The following RGSL1 variants were observed in gnomAD, a reference collection of about 807,000 sequenced individuals.
RGSL1 encodes regulator of G protein signaling like 1, also known as regulator of G protein signaling protein-like.
A neutral mutation model predicts 124.7 loss-of-function variants in RGSL1; 97 were observed. The observed-to-expected ratio is 0.78, with a 90% CI of 0.66 to 0.92. The LOEUF (loss-of-function observed/expected upper bound fraction) is 0.92. RGSL1 is among the 40% of genes least tolerant of loss of function. The probability of loss-of-function intolerance (pLI) is 0.00; values close to 1 mark genes in which losing one functional copy is unlikely to be tolerated. For missense variants in RGSL1, 1,233 were observed against 1,288.4 expected (o/e 0.96, Z 0.66); for synonymous variants, 424 against 438.1 (o/e 0.97, Z 0.40).
intron 6 of RGSL1, among the ~76,000 whole-genome samples, chr1:182,486,623 C>A (rs1655117626): frequency 6.6e-6 from 1 of 152,098 alleles, no homozygotes; most frequent in Non-Finnish European, 1.5e-5. Context: ...GCTAGGATTA[C>A]AGGTGTGAGG....
chr1:182,472,063 G>GT (rs34447511), intron 4 of RGSL1, among the ~76,000 whole-genome samples: 13,040 of 152,026 alleles, frequency 0.086, 767 homozygotes, highest in East Asian at 0.26. Context: ...AGGAAATGTG[G>GT]TTTTTTTCCC....
At chr1:182,517,830 A>G (rs1227556579) in intron 9 of RGSL1, among the ~76,000 whole-genome samples, 1 of 151,988 alleles carries the variant, frequency 6.6e-6, no homozygotes, top group Non-Finnish European at 1.5e-5. Flanking sequence ...TACTATTTTG[A>G]ATTCTTGGTC....
Position 182,515,653 on chromosome 1 carries a change from A to C in RGSL1, c.1826-6351A>C, listed in dbSNP as rs573720054. ...TTTCCGCCAGTTTAGACCAGTGAGG[A>C]TCCTTCAGCCATTGGGGGAATGGCT... On this transcript the variant is annotated intron_variant, in intron 9 of 21. Transcript: ENST00000294854. 7.2e-5 allele frequency among the ~76,000 whole-genome samples: 11 copies of C among 151,960 alleles called. No homozygotes were observed. In the East Asian group the frequency reaches 1.9e-3, roughly 27 times the overall value.
Position 182,556,242 on chromosome 1 carries a change from T to C in RGSL1, c.*165+20T>C. The C allele has an allele frequency of 1.7e-6, 1 of 596,326 alleles. No homozygotes were observed. Among genetic ancestry groups the C allele is most frequent in the Admixed American group, 3.2e-5 (1 of 30,962 alleles). 36.9% of individuals were successfully genotyped at this position (596,326 alleles called of 1,614,324 possible). On this transcript the variant is annotated intron_variant, in intron 21 of 21. Transcript: ENST00000294854. The stretch of plus-strand genomic sequence containing the variant: ...CAATGGGTAAGACTTGGGCAGAGCA[T>C]GAGAGGAAGCGCATCTTTCCACTAC...
At chr1:182,472,716 A>G (rs960755087) in intron 5 of RGSL1, 159 bp downstream of exon 5, 1 of 669,908 alleles carries the variant, frequency 1.5e-6, no homozygotes, top group Non-Finnish European at 2.3e-6. Context: ...CCAGGAAAGT[A>G]TTGAAAGACA....
intron 9 of RGSL1, among the ~76,000 whole-genome samples, chr1:182,509,401 G>A (rs1330858942): frequency 4.3e-4 from 11 of 25,718 alleles, no homozygotes; most frequent in African/African-American, 1.3e-3. Flanking sequence ...GGGCAGAGGC[G>A]CCCCTCACCT....
chr1:182,522,545 C>T (rs1477726644), intron 10 of RGSL1, among the ~76,000 whole-genome samples: 3 of 152,114 alleles, frequency 2.0e-5, no homozygotes, highest in East Asian at 3.9e-4. Context: ...CTTCTTGTCT[C>T]TCTCCACTTA....
At chr1:182,530,217 G>T (rs1195254402) in intron 11 of RGSL1, 27 bp from the exon 12 acceptor site, 5 of 1,506,544 alleles carry the variant, frequency 3.3e-6, no homozygotes, top group Non-Finnish European at 4.5e-6. Flanking sequence ...GAGGATTACA[G>T]CTTCTTTTCT....
At chr1:182,528,568 G>T (rs559024389) in intron 11 of RGSL1, among the ~76,000 whole-genome samples, 1 of 152,324 alleles carries the variant, frequency 6.6e-6, no homozygotes, top group Admixed American at 6.5e-5. Flanking sequence ...GGGAGAAATT[G>T]GCCCGAAGAA....
At chr1:182,509,341 G>C (rs1158245391) in intron 9 of RGSL1, among the ~76,000 whole-genome samples, 3 of 32,488 alleles carry the variant, frequency 9.2e-5, no homozygotes, top group Admixed American at 2.8e-4. Flanking sequence ...CCTCCCGGAC[G>C]GGGCGGCTGG....
intron 9 of RGSL1, among the ~76,000 whole-genome samples, chr1:182,501,010 A>G (rs923265264): frequency 6.6e-6 from 1 of 152,100 alleles, no homozygotes; most frequent in African/African-American, 2.4e-5. Flanking sequence ...TGCTCTGGCT[A>G]GAACTTCCAG....
At chr1:182,532,586 GT>G (rs1386619763) in intron 13 of RGSL1, 75 bp from the exon 14 acceptor site, 3 of 1,439,550 alleles carry the variant, frequency 2.1e-6, no homozygotes, top group Non-Finnish European at 2.8e-6. Context: ...TGAATACCAA[GT>G]TTTGGCACAC....
intron 6 of RGSL1, among the ~76,000 whole-genome samples, chr1:182,482,298 A>C (rs1654766243): frequency 6.6e-6 from 1 of 152,222 alleles, no homozygotes. Flanking sequence ...CGAGAAGCTG[A>C]AATCATTCCC....
chr1:182,501,664 C>T (rs369494656), intron 9 of RGSL1, among the ~76,000 whole-genome samples: 72 of 152,034 alleles, frequency 4.7e-4, no homozygotes, highest in African/African-American at 1.7e-3. Flanking sequence ...GATATGTTCA[C>T]GTTGTATTGA....
At chr1:182,534,586 G>A (rs1401460101) in intron 14 of RGSL1, among the ~76,000 whole-genome samples, 1 of 152,198 alleles carries the variant, frequency 6.6e-6, no homozygotes, top group Non-Finnish European at 1.5e-5. Flanking sequence ...TCAGTAGTTT[G>A]GTAGGCCGAG....
In RGSL1 at chr1:182,488,987, A is replaced by G. The variant is rs185515887; in HGVS notation, c.1502A>G (p.Asn501Ser). 1.4e-3 allele frequency: 2,157 copies of G among 1,550,442 alleles called. 24 individuals are homozygous for G. The African/African-American group carries it at 0.022, about 16-fold the overall frequency. ...CTCACCCTCTTCTCTTAGACACAGAACAGGTTCATCAGCTCCAGACAGCAT... is the reference window on the plus strand; with the variant it reads ...CTCACCCTCTTCTCTTAGACACAGAGCAGGTTCATCAGCTCCAGACAGCAT... ...DYWFLLFTTQNRFISSRQHKR... is the reference protein window; with the variant it reads ...DYWFLLFTTQSRFISSRQHKR... The change falls in exon 8 of 22, where the codon AAC becomes AGC. Residue 501 changes from asparagine to serine, a missense_variant. Asn to Ser is a conservative substitution (Grantham distance 46). Coordinates refer to ENST00000294854, the MANE Select transcript of RGSL1 (RefSeq NM_001137669.2).
At chr1:182,552,695 C>T (rs1030321304) in intron 18 of RGSL1, among the ~76,000 whole-genome samples, 3 of 152,186 alleles carry the variant, frequency 2.0e-5, no homozygotes, top group Non-Finnish European at 4.4e-5. Flanking sequence ...GTATTTGGCT[C>T]ATGATTCAGG....
chr1:182,470,018 G>T (rs75487600), intron 4 of RGSL1, among the ~76,000 whole-genome samples: 1 of 149,670 alleles, frequency 6.7e-6, no homozygotes, highest in Non-Finnish European at 1.5e-5. Context: ...GGGGAAATAG[G>T]CAGTGACTGT....
chr1:182,536,016 T>C (rs1306167750), intron 14 of RGSL1, among the ~76,000 whole-genome samples: 1 of 152,182 alleles, frequency 6.6e-6, no homozygotes. Flanking sequence ...AAGAATTTCA[T>C]ATAAATGGAA....
Sources: allele counts gnomAD v4.1 joint callset (sites outside exome capture counted in the v4.1 genomes callset), GRCh38; gene constraint gnomAD v4.1.1; transcripts MANE v1.5; gene names NCBI Gene and HGNC (gene_info 2026-07-23, HGNC 2026-07-21).